Variants in DIS3 observed in about 807,000 individuals in gnomAD.
DIS3 encodes exosome complex exonuclease RRP44.
DIS3 carries 103 observed loss-of-function variants against 113.0 expected under a neutral mutation model. That is an observed-to-expected ratio of 0.91 (90% CI 0.78 to 1.07). The LOEUF (loss-of-function observed/expected upper bound fraction) is 1.07. Among genes scored for constraint, DIS3 ranks in the 50% least tolerant of loss-of-function variants. The pLI, the probability that DIS3 is intolerant of heterozygous loss-of-function variation, is 0.00. For synonymous variants in DIS3, 402 were observed against 394.3 expected, an observed-to-expected ratio of 1.02 and a Z score of -0.23; for missense variants, 1,121 against 1,167.1, an observed-to-expected ratio of 0.96 and a Z score of 0.58.
In DIS3 at chr13:72,778,282, T is replaced by A. The variant is rs544262650; in HGVS notation, c.485A>T (p.Lys162Ile). 3.4e-5 allele frequency: 55 copies of A among 1,608,122 alleles called. 1 individual carries two copies. In the Admixed American group the frequency reaches 8.8e-4, roughly 26 times the overall value. ...AAKWYNEHLK[K>I]MSADNQLQVI... ...TTGCAGCTGGTTGTCTGCTGACATT[T>A]TTTTCAAATGTTCATTGTACCATTT... The change falls in exon 3 of 21, where the codon AAA (lysine) becomes ATA (isoleucine). Residue 162 changes from lysine to isoleucine, a missense_variant. Physicochemically the swap from Lys to Ile is moderately radical, Grantham distance 102. This residue lies in a region of DIS3 where 254 missense variants were observed against 232.2 expected (regional missense o/e 1.09). Transcript: ENST00000377767.
At position 72,775,342 on chromosome 13, in the gene DIS3, C is replaced by T. The variant is rs1048864282; in HGVS notation, c.856G>A (p.Ala286Thr). Residue 286 changes from alanine (A) to threonine (T), a missense_variant, in exon 6 of 21, where the codon GCT becomes ACT. Ala to Thr is a moderately conservative substitution (Grantham distance 58). Around this residue, in one of 3 missense-constraint regions of DIS3, gnomAD observed 861 missense variants for 915.5 expected, o/e 0.94. Coordinates refer to ENST00000377767, the MANE Select transcript of DIS3 (RefSeq NM_014953.5). ...ACAGCCACAATATCTTCGTGAACAG[C>T]TCTGTTTAAATGTTTAAGTCCCTGT... ...ILQGLKHLNRAVHEDIVAVEL... is the reference protein window; with the variant it reads ...ILQGLKHLNRTVHEDIVAVEL... 6.2e-7 allele frequency: 1 copy of T among 1,612,800 alleles called. No homozygotes were observed. Among genetic ancestry groups the T allele is most frequent in the Admixed American group, 1.7e-5 (1 of 59,838 alleles).
intron 5 of DIS3, 27 bp from the exon 6 acceptor site, chr13:72,775,402 C>T (rs368521723): frequency 1.9e-6 from 3 of 1,554,112 alleles, no homozygotes; most frequent in East Asian, 4.6e-5. Context: ...AGGGCACGTG[C>T]CCAAATTATT....
intron 14 of DIS3, 107 bp downstream of exon 14, chr13:72,768,678 A>G: frequency 7.3e-6 from 6 of 817,964 alleles, no homozygotes; most frequent in Middle Eastern, 4.2e-4. Flanking sequence ...GGAAGCTAGA[A>G]GAAACAGGAG....
chr13:72,768,834 C>T lies in DIS3; in HGVS notation c.1834G>A (p.Gly612Arg). The T allele has an allele frequency of 6.2e-7, 1 of 1,610,226 alleles. No individual in the cohort carries two copies. Among genetic ancestry groups the T allele is most frequent in the Non-Finnish European group, 8.5e-7 (1 of 1,177,292 alleles). The change falls in exon 14 of 21, where the codon GGA becomes AGA. Residue 612 changes from glycine to arginine, a missense_variant. Physicochemically the swap from Gly to Arg is moderately radical, Grantham distance 125. Around this residue, in one of 3 missense-constraint regions of DIS3, gnomAD observed 861 missense variants for 915.5 expected, o/e 0.94. Transcript: ENST00000377767. The part of the protein sequence containing the change: ...MNDDITTSLR[G>R]LNKLAKILKK... ...AGAATTTTGGCTAGTTTATTCAGTC[C>T]ACGGAGACTAGTGGTAATATCATCA...
At chr13:72,773,904 G>GT (rs767728504) in intron 7 of DIS3, 42 bp downstream of exon 7, 2 of 1,586,488 alleles carry the variant, frequency 1.3e-6, no homozygotes, top group South Asian at 2.3e-5. Flanking sequence ...TCTATTAAAT[G>GT]TTTATCATTT....
At position 72,760,628 on chromosome 13, in the gene DIS3, A is replaced by G; in HGVS notation, c.2694T>C (p.Asp898=). The change falls in exon 20 of 21, where the codon GAT becomes GAC. Residue 898 remains aspartate (D), a synonymous_variant. Coordinates refer to ENST00000377767, the MANE Select transcript of DIS3 (RefSeq NM_014953.5). The part of the protein sequence containing the change: ...DDEIPSLKIE[D]TVFHVFDKVK... ...CTTTATCAAATACATGGAACACTGT[A>G]TCTTCTATTTTAAGTGAGGGTATCT... 6.2e-7 allele frequency: 1 copy of G among 1,612,928 alleles called. No homozygotes were observed. Among genetic ancestry groups the G allele is most frequent in the Non-Finnish European group, 8.5e-7 (1 of 1,179,280 alleles).
chr13:72,760,157 G>A (rs147525597), intron 20 of DIS3, among the ~76,000 whole-genome samples: 87 of 152,302 alleles, frequency 5.7e-4, no homozygotes, highest in African/African-American at 2.0e-3. Context: ...GGGAGCCACT[G>A]TGATTGACAG....
Position 72,780,909 on chromosome 13 carries a change from C to A in DIS3, c.323G>T (p.Arg108Leu). 1 of 1,612,776 alleles carries A rather than the reference C, an allele frequency of 6.2e-7. No individual in the cohort carries two copies. Among genetic ancestry groups the A allele is most frequent in the Non-Finnish European group, 8.5e-7 (1 of 1,179,628 alleles). Residue 108 changes from arginine to leucine, a missense_variant, in exon 2 of 21, where the codon CGC (arginine) becomes CTC (leucine). Physicochemically the swap from Arg to Leu is moderately radical, Grantham distance 102. Transcript: ENST00000377767. Reference sequence around the variant, plus strand: ...TTGGTTATTAGTCACATCTCGGATGCGTTTATATACGGGGGCACTGCGATT... The same window carrying A: ...TTGGTTATTAGTCACATCTCGGATGAGTTTATATACGGGGGCACTGCGATT... ...VRNRSAPVYK[R>L]IRDVTNNQEK...
intron 16 of DIS3, among the ~76,000 whole-genome samples, chr13:72,763,186 A>G (rs1467558382): frequency 6.6e-6 from 1 of 152,110 alleles, no homozygotes; most frequent in Non-Finnish European, 1.5e-5. Context: ...CTGCAGTCCC[A>G]GCTCCTCAGG....
rs2138110036 is a variant in DIS3, at chr13:72,752,747, T to G, written c.*7048A>C. 6.7e-6 allele frequency: 1 copy of G among 148,190 alleles called. No homozygotes were observed. Among genetic ancestry groups the G allele is most frequent in the East Asian group, 2.1e-4 (1 of 4,864 alleles). The allele number at this position is 148,190 out of a possible 1,614,324, so 9.2% of individuals were successfully genotyped here. On this transcript the variant is annotated 3_prime_UTR_variant, in exon 21 of 21. Coordinates refer to ENST00000377767, the MANE Select transcript of DIS3 (RefSeq NM_014953.5). ...CAGATATGTATCCAGCCTTGAAATC[T>G]GGGAACATTTTTTCAGGATTATTAA...
chr13:72,775,905 G>A lies in DIS3; in HGVS notation c.822+20C>T. Reference sequence around the variant, plus strand: ...TATCATCTTTATTTTAGTGTATAAGGAATTTATTTATATACTTGCCTCTTT... The same window carrying A: ...TATCATCTTTATTTTAGTGTATAAGAAATTTATTTATATACTTGCCTCTTT... On this transcript the variant is annotated intron_variant, in intron 5 of 20. Transcript: ENST00000377767. 5 of 1,569,026 alleles carry A rather than the reference G, an allele frequency of 3.2e-6. No individual in the cohort carries two copies.
In DIS3 at chr13:72,760,624, C is replaced by T; in HGVS notation, c.2698G>A (p.Val900Met). Residue 900 changes from valine to methionine, a missense_variant, in exon 20 of 21, where the codon GTG (valine) becomes ATG (methionine). Val to Met is a conservative substitution (Grantham distance 21, BLOSUM62 1). Coordinates refer to ENST00000377767, the MANE Select transcript of DIS3 (RefSeq NM_014953.5). ...EIPSLKIEDT[V>M]FHVFDKVKVK... is the part of the protein sequence containing the mutation. Reference sequence around the variant, plus strand: ...TTAACTTTATCAAATACATGGAACACTGTATCTTCTATTTTAAGTGAGGGT... The same window carrying T: ...TTAACTTTATCAAATACATGGAACATTGTATCTTCTATTTTAAGTGAGGGT... 3 of 1,612,552 alleles carry T rather than the reference C, an allele frequency of 1.9e-6. No individual in the cohort carries two copies. The highest frequency in any genetic ancestry group is 3.3e-4 in the Middle Eastern group (2 of 6,014).
intron 16 of DIS3, among the ~76,000 whole-genome samples, chr13:72,763,181 G>C (rs763625612): frequency 1.2e-4 from 18 of 152,226 alleles, no homozygotes; most frequent in Non-Finnish European, 2.4e-4. Flanking sequence ...TGCGCCTGCA[G>C]TCCCAGCTCC....
At position 72,758,332 on chromosome 13, in the gene DIS3, G is replaced by A. The variant is rs1485792484; in HGVS notation, c.*1463C>T. 11 of 183,248 alleles carry A rather than the reference G, an allele frequency of 6.0e-5. No individual in the cohort carries two copies. Among genetic ancestry groups the A allele is most frequent in the African/African-American group, 2.6e-4 (11 of 42,522 alleles). The allele number at this position is 183,248 out of a possible 1,614,324, so 11.4% of individuals were successfully genotyped here. ...CAATGATGAAATTGCCAAGTGACAT[G>A]TCTCAGAACATATCCCTGTCATTAA... On this transcript the variant is annotated 3_prime_UTR_variant, in exon 21 of 21. Coordinates refer to ENST00000377767, the MANE Select transcript of DIS3 (RefSeq NM_014953.5).
intron 14 of DIS3, among the ~76,000 whole-genome samples, chr13:72,766,369 C>T (rs1444465355): frequency 6.6e-6 from 1 of 152,168 alleles, no homozygotes; most frequent in African/African-American, 2.4e-5. Context: ...TTGAGCTACA[C>T]AGGTTTTTAA....
chr13:72,765,931 T>TA (rs762407068), intron 15 of DIS3, 41 bp downstream of exon 15: 5 of 1,432,676 alleles, frequency 3.5e-6, no homozygotes, highest in South Asian at 1.3e-5. Flanking sequence ...ACAATTAAAA[T>TA]AAAAAAATCT....
chr13:72,775,091 A>G, intron 6 of DIS3, 120 bp downstream of exon 6: 1 of 1,118,818 alleles, frequency 8.9e-7, no homozygotes. Flanking sequence ...ACATGCGTTA[A>G]ATATACAGAA....
rs1299954024 is a variant in DIS3 at position 72,753,279 on chromosome 13, G to A, written c.*6516C>T. The stretch of plus-strand genomic sequence containing the variant: ...TATGTGGCATTATTGTGAACAACTA[G>A]GTGTAAATATAATATAATCCACTTT... On this transcript the variant is annotated 3_prime_UTR_variant, in exon 21 of 21. Transcript: ENST00000377767. The A allele has an allele frequency of 6.4e-6, 1 of 155,782 alleles. No individual in the cohort carries two copies. The highest frequency in any genetic ancestry group is 2.0e-4 in the South Asian group (1 of 5,110). 9.6% of individuals were successfully genotyped at this position (155,782 alleles called of 1,614,324 possible).
chr13:72,777,598 T>G, intron 3 of DIS3, 105 bp from the exon 4 acceptor site: 1 of 941,608 alleles, frequency 1.1e-6, no homozygotes, highest in Non-Finnish European at 1.7e-6. Flanking sequence ...CTTTCATTCA[T>G]TGAGACACAC....
Sources: gnomAD v4.1 joint callset for allele counts (sites outside exome capture counted in the v4.1 genomes callset) on GRCh38, gnomAD v4.1.1 for gene constraint, gnomAD v4.1.1 regional missense constraint, MANE v1.5 for transcripts, NCBI Gene and HGNC (gene_info 2026-07-23, HGNC 2026-07-21) for gene names.